The following XPNPEP3 variants were observed in gnomAD, a reference collection of about 807,000 sequenced individuals.
XPNPEP3 encodes the protein X-prolyl aminopeptidase 3, also known as xaa-Pro aminopeptidase 3.
Under a neutral mutation model 60.0 loss-of-function variants are expected in XPNPEP3, and 41 were observed. The observed-to-expected ratio is 0.68, with a 90% CI of 0.53 to 0.89. The LOEUF (loss-of-function observed/expected upper bound fraction) is 0.89. Among genes scored for constraint, XPNPEP3 ranks in the 40% least tolerant of loss-of-function variants. XPNPEP3 has a pLI of 0.00. For synonymous variants in XPNPEP3, 212 were observed against 223.2 expected (o/e 0.95, Z 0.45); for missense variants, 598 against 638.9 (o/e 0.94, Z 0.69).
chr22:40,865,045 G>A (rs749044011), intron 1 of XPNPEP3, among the ~76,000 whole-genome samples: 75 of 152,214 alleles, frequency 4.9e-4, no homozygotes, highest in Non-Finnish European at 5.4e-4. Context: ...ACGAGCACTT[G>A]TTTCTGCAGT....
intron 1 of XPNPEP3, chr22:40,861,027 A>G: frequency 6.5e-7 from 1 of 1,534,242 alleles, no homozygotes; most frequent in Non-Finnish European, 8.7e-7. Context: ...CAAAACACAC[A>G]CAATTGTGTT....
At chr22:40,866,719 G>A (rs1380278325) in intron 1 of XPNPEP3, among the ~76,000 whole-genome samples, 4 of 152,028 alleles carry the variant, frequency 2.6e-5, no homozygotes, top group Non-Finnish European at 5.9e-5. Flanking sequence ...ATATGACTTC[G>A]GGCAAAAGAT....
chr22:40,895,189 C>G (rs1322062312), intron 4 of XPNPEP3, among the ~76,000 whole-genome samples: 2 of 152,152 alleles, frequency 1.3e-5, no homozygotes, highest in African/African-American at 2.4e-5. Flanking sequence ...AGACTACTTG[C>G]TCATGAATCT....
intron 9 of XPNPEP3, 95 bp downstream of exon 9, chr22:40,924,577 G>GTC: frequency 6.5e-7 from 1 of 1,532,854 alleles, no homozygotes; most frequent in Non-Finnish European, 8.9e-7. Context: ...AGGCTGGAGT[G>GTC]AAGTGGTGTG....
chr22:40,870,051 C>T (rs779589130), intron 2 of XPNPEP3: 20 of 470,824 alleles, frequency 4.2e-5, no homozygotes, highest in Admixed American at 7.1e-5. Context: ...TCATCAGACT[C>T]GAATTCCTGC....
At chr22:40,898,945 C>A (rs953042904) in intron 4 of XPNPEP3, among the ~76,000 whole-genome samples, 3 of 152,184 alleles carry the variant, frequency 2.0e-5, no homozygotes, top group African/African-American at 7.2e-5. Context: ...TATCTAGATA[C>A]ATATGATAGG....
In XPNPEP3 at chr22:40,891,526, G is replaced by A. The variant is rs1011756796; in HGVS notation, c.792+5011G>A. ...AAATTAGCTGGGCGTGGTGGCGGGC[G>A]CCTGTAGTCCCAGCTACTTGGGAGG... is the stretch of plus-strand genomic sequence containing the variant. On this transcript the variant is annotated intron_variant, in intron 4 of 9. Coordinates refer to ENST00000357137, the MANE Select transcript of XPNPEP3 (RefSeq NM_022098.4). Among the ~76,000 whole-genome samples the A allele has an allele frequency of 9.2e-5, 14 of 152,086 alleles. No homozygotes were observed. The East Asian group carries it at 1.4e-3, about 15-fold the overall frequency.
At chr22:40,909,301 C>CT in intron 6 of XPNPEP3, 66 bp downstream of exon 6, 1 of 1,159,176 alleles carries the variant, frequency 8.6e-7, no homozygotes, top group East Asian at 2.3e-5. Flanking sequence ...ACCTGCTAAC[C>CT]TCATGTCCTC....
At chr22:40,877,869 AT>A (rs1198076563) in intron 2 of XPNPEP3, among the ~76,000 whole-genome samples, 6 of 152,008 alleles carry the variant, frequency 3.9e-5, no homozygotes, top group Non-Finnish European at 8.8e-5. Flanking sequence ...GCTTTAACAC[AT>A]TTTTTTTCCT....
At chr22:40,905,757 G>A (rs191042760) in intron 4 of XPNPEP3, among the ~76,000 whole-genome samples, 1 of 152,186 alleles carries the variant, frequency 6.6e-6, no homozygotes, top group Non-Finnish European at 1.5e-5. Flanking sequence ...TGGGCATTTT[G>A]GCAATGCCGT....
chr22:40,913,160 A>G (rs1335818878), intron 6 of XPNPEP3, among the ~76,000 whole-genome samples: 1 of 152,074 alleles, frequency 6.6e-6, no homozygotes, highest in Non-Finnish European at 1.5e-5. Context: ...CCCCACATGT[A>G]TTATGATGGA....
At chr22:40,915,799 A>C (rs2058194079) in intron 7 of XPNPEP3, among the ~76,000 whole-genome samples, 1 of 152,326 alleles carries the variant, frequency 6.6e-6, no homozygotes. Context: ...TCCTTGGCTG[A>C]TTACTGAACT....
intron 2 of XPNPEP3, 82 bp downstream of exon 2, chr22:40,869,197 T>C: frequency 1.6e-6 from 2 of 1,228,798 alleles, no homozygotes; most frequent in Non-Finnish European, 2.4e-6. Context: ...TGCAGTAAGC[T>C]CTGGATCTGT....
chr22:40,880,102 A>G (rs1169192286), intron 2 of XPNPEP3, among the ~76,000 whole-genome samples: 2 of 151,848 alleles, frequency 1.3e-5, no homozygotes, highest in Non-Finnish European at 2.9e-5. Context: ...AAATTCAAAG[A>G]TCTTTGACCA....
At chr22:40,882,423 G>A (rs920138570) in intron 3 of XPNPEP3, among the ~76,000 whole-genome samples, 1 of 152,158 alleles carries the variant, frequency 6.6e-6, no homozygotes, top group Non-Finnish European at 1.5e-5. Flanking sequence ...GGTTCCTTGT[G>A]GCCAGGAGTT....
At position 40,924,343 on chromosome 22, in the gene XPNPEP3, T is replaced by C. The variant is rs1423546034; in HGVS notation, c.1237-19T>C. On this transcript the variant is annotated intron_variant, in intron 8 of 9. Coordinates refer to ENST00000357137, the MANE Select transcript of XPNPEP3 (RefSeq NM_022098.4). ...AGAGGTCATTGCTCTAATGATACTG[T>C]GACAATTATCTTTTCCAGGCTGCTC... 10 of 1,614,080 alleles carry C rather than the reference T, an allele frequency of 6.2e-6. No homozygotes were observed. Among genetic ancestry groups the C allele is most frequent in the Middle Eastern group, 1.6e-4 (1 of 6,062 alleles).
chr22:40,892,935 T>C (rs1014038585), intron 4 of XPNPEP3, among the ~76,000 whole-genome samples: 4 of 139,028 alleles, frequency 2.9e-5, no homozygotes, highest in African/African-American at 1.0e-4. Flanking sequence ...TTTACACATA[T>C]TATAACAGAT....
Position 40,931,807 on chromosome 22 carries a change from G to T in XPNPEP3, c.*5372G>T, listed in dbSNP as rs542341558. 1.3e-5 allele frequency: 2 copies of T among 152,300 alleles called. No homozygotes were observed. Among genetic ancestry groups the T allele is most frequent in the Non-Finnish European group, 2.9e-5 (2 of 68,034 alleles). 9.4% of individuals were successfully genotyped at this position (152,300 alleles called of 1,614,324 possible). A position where few individuals can be genotyped will look rare whatever the true frequency, so the allele number is the denominator to read the frequency against. On this transcript the variant is annotated 3_prime_UTR_variant, in exon 10 of 10. Coordinates refer to ENST00000357137, the MANE Select transcript of XPNPEP3 (RefSeq NM_022098.4). Reference sequence around the variant, plus strand: ...GCTTCTGAGAGTAACTTAAAGTACTGTGTGTGCATCTTCCTTCAAAACCTT... The same window carrying T: ...GCTTCTGAGAGTAACTTAAAGTACTTTGTGTGCATCTTCCTTCAAAACCTT...
In XPNPEP3 at chr22:40,869,018, G is replaced by A. The variant is rs2057992752; in HGVS notation, c.84G>A (p.Gln28=). 1 of 1,613,820 alleles carries A rather than the reference G, an allele frequency of 6.2e-7. No homozygotes were observed. The highest frequency in any genetic ancestry group is 8.5e-7 in the Non-Finnish European group (1 of 1,179,794). ...RGLSGCMLCS[Q]RRYSLQPVPE... ...ATTCAGGATGTATGTTGTGTTCACA[G>A]CGAAGGTACTCCCTTCAGCCTGTCC... The change falls in exon 2 of 10, where the codon CAG becomes CAA. Residue 28 remains glutamine (Q), a synonymous_variant. Coordinates refer to ENST00000357137, the MANE Select transcript of XPNPEP3 (RefSeq NM_022098.4).
Sources: allele counts gnomAD v4.1 joint callset (sites outside exome capture counted in the v4.1 genomes callset), GRCh38; gene constraint gnomAD v4.1.1; transcripts MANE v1.5; gene names NCBI Gene and HGNC (gene_info 2026-07-23, HGNC 2026-07-21).